Variants in RPAP2 observed in about 807,000 individuals in gnomAD.
RPAP2 encodes putative RNA polymerase II subunit B1 CTD phosphatase RPAP2.
In RPAP2, 52 loss-of-function variants were observed where a neutral mutation model predicts 73.1. The observed-to-expected ratio is 0.71, with a 90% CI of 0.57 to 0.90. The LOEUF is 0.90. Ranked by LOEUF, RPAP2 falls within the 40% of genes least tolerant of loss-of-function variation. RPAP2 has a pLI of 0.00. For missense variants in RPAP2, 598 were observed against 701.8 expected (o/e 0.85, Z 1.67); for synonymous variants, 225 against 242.1 (o/e 0.93, Z 0.65).
At chr1:92,317,498 T>C (rs1194938119) in intron 6 of RPAP2, among the ~76,000 whole-genome samples, 1 of 151,954 alleles carries the variant, frequency 6.6e-6, no homozygotes, top group Non-Finnish European at 1.5e-5. Flanking sequence ...ACAGTGAGAC[T>C]CTGTCTCAAA....
chr1:92,375,523 T>C (rs1655346030), intron 11 of RPAP2, among the ~76,000 whole-genome samples: 1 of 152,014 alleles, frequency 6.6e-6, no homozygotes, highest in African/African-American at 2.4e-5. Flanking sequence ...GGTGAAACCC[T>C]GTCTCTACTA....
chr1:92,372,072 A>T (rs770263294), intron 11 of RPAP2, among the ~76,000 whole-genome samples: 16 of 152,176 alleles, frequency 1.1e-4, no homozygotes, highest in Non-Finnish European at 1.8e-4. Context: ...GTCATTCCAC[A>T]ATGTACACAT....
At chr1:92,300,474 TAGA>T (rs1211677277) in intron 2 of RPAP2, among the ~76,000 whole-genome samples, 1 of 152,218 alleles carries the variant, frequency 6.6e-6, no homozygotes, top group African/African-American at 2.4e-5. Flanking sequence ...TGAGTGTCTG[TAGA>T]AGGTGTTTGT....
chr1:92,351,872 AGCCACTACTT>A (rs1397575002), intron 11 of RPAP2, among the ~76,000 whole-genome samples: 3 of 152,144 alleles, frequency 2.0e-5, no homozygotes, highest in African/African-American at 7.2e-5. Context: ...TTTGTAAATA[AGCCACTACTT>A]TGTATTCTGA....
intron 12 of RPAP2, among the ~76,000 whole-genome samples, chr1:92,381,183 G>A (rs981799943): frequency 1.3e-5 from 2 of 152,064 alleles, no homozygotes; most frequent in African/African-American, 4.8e-5. Flanking sequence ...CATCTGATAA[G>A]TTTCTTCCCA....
Position 92,395,635 on chromosome 1 carries a change from CAAAAA to C in RPAP2, c.*8643_*8647del, listed in dbSNP as rs3041650. ...TGGGTGACAGAGTGAGACCCTGTCT[CAAAAA>C]AAAAAAAAAAAAAAAAAATTAATTG... is the stretch of plus-strand genomic sequence containing the variant. On this transcript the variant is annotated 3_prime_UTR_variant, in exon 13 of 13. Transcript: ENST00000610020. The C allele has an allele frequency of 1.6e-4, 15 of 96,068 alleles. No homozygotes were observed. Among genetic ancestry groups the C allele is most frequent in the African/African-American group, 2.8e-4 (7 of 25,040 alleles). 6.0% of individuals were successfully genotyped at this position (96,068 alleles called of 1,614,324 possible). A position where few individuals can be genotyped will look rare whatever the true frequency, so the allele number is the denominator to read the frequency against.
At chr1:92,383,924 C>T (rs1343683751) in intron 12 of RPAP2, among the ~76,000 whole-genome samples, 1 of 151,282 alleles carries the variant, frequency 6.6e-6, no homozygotes, top group Admixed American at 6.6e-5. Flanking sequence ...TTATGTCTGT[C>T]ATTTAATATT....
chr1:92,362,036 G>A (rs1206574885), intron 11 of RPAP2, among the ~76,000 whole-genome samples: 1 of 152,096 alleles, frequency 6.6e-6, no homozygotes, highest in Non-Finnish European at 1.5e-5. Context: ...ATATTAATGG[G>A]TCCTAATGGA....
Position 92,390,800 on chromosome 1 carries a change from G to T in RPAP2, c.*3789G>T, listed in dbSNP as rs1215405036. The T allele has an allele frequency of 6.6e-6, 1 of 152,096 alleles. No homozygotes were observed. Among genetic ancestry groups the T allele is most frequent in the African/African-American group, 2.4e-5 (1 of 41,402 alleles). The allele number at this position is 152,096 out of a possible 1,614,324, so 9.4% of individuals were successfully genotyped here. On this transcript the variant is annotated 3_prime_UTR_variant, in exon 13 of 13. Transcript: ENST00000610020. ...ACAAAGATCAAAAGAGACAAAGAAG[G>T]TCATTACATAATGGTAAAGGGATCA...
intron 11 of RPAP2, among the ~76,000 whole-genome samples, chr1:92,370,359 T>TAGTC (rs1655097313): frequency 6.6e-6 from 1 of 151,878 alleles, no homozygotes; most frequent in Non-Finnish European, 1.5e-5. Context: ...CAATAGGGAG[T>TAGTC]AGTCAGATGG....
intron 11 of RPAP2, among the ~76,000 whole-genome samples, chr1:92,349,123 T>C (rs1557617319): frequency 6.6e-6 from 1 of 152,242 alleles, no homozygotes; most frequent in Non-Finnish European, 1.5e-5. Context: ...CAGAAAATTT[T>C]CACATCTACT....
chr1:92,385,232 G>C (rs368744843), intron 12 of RPAP2, among the ~76,000 whole-genome samples: 73 of 150,536 alleles, frequency 4.8e-4, no homozygotes, highest in African/African-American at 1.6e-3. Flanking sequence ...TACCTAGCCA[G>C]AAGTCCTTCT....
chr1:92,382,920 T>A (rs1035708128), intron 12 of RPAP2, among the ~76,000 whole-genome samples: 4 of 152,180 alleles, frequency 2.6e-5, no homozygotes, highest in African/African-American at 9.7e-5. Flanking sequence ...TGTAAGTCTT[T>A]AATCCATCTT....
At chr1:92,332,710 G>C (rs1653043406) in intron 8 of RPAP2, among the ~76,000 whole-genome samples, 1 of 152,076 alleles carries the variant, frequency 6.6e-6, no homozygotes, top group Non-Finnish European at 1.5e-5. Flanking sequence ...GTCTTTCCAA[G>C]TCCTGGTCTC....
chr1:92,300,310 C>T (rs766490753), intron 2 of RPAP2, 71 bp downstream of exon 2: 2 of 1,165,144 alleles, frequency 1.7e-6, no homozygotes, highest in Non-Finnish European at 2.5e-6. Flanking sequence ...AATTTTAAAA[C>T]AATAATGGTT....
rs1656191371 is a variant in RPAP2 at position 92,396,682 on chromosome 1, C to G, written c.*9671C>G. 1 of 152,020 alleles carries G rather than the reference C, an allele frequency of 6.6e-6. No homozygotes were observed. Among genetic ancestry groups the G allele is most frequent in the Non-Finnish European group, 1.5e-5 (1 of 68,480 alleles). 9.4% of individuals were successfully genotyped at this position (152,020 alleles called of 1,614,324 possible). A position where few individuals can be genotyped will look rare whatever the true frequency, so the allele number is the denominator to read the frequency against. On this transcript the variant is annotated 3_prime_UTR_variant, in exon 13 of 13. Coordinates refer to ENST00000610020, the MANE Select transcript of RPAP2 (RefSeq NM_024813.3). ...TGAGATGGAGTTTCACTCTTGTTGC[C>G]CAGGCTGGAGTGCAATGGCGCGATC...
At chr1:92,346,169 GT>G (rs11304679) in intron 11 of RPAP2, among the ~76,000 whole-genome samples, 14,570 of 140,232 alleles carry the variant, frequency 0.1, 1,896 homozygotes, top group African/African-American at 0.33. Context: ...TCTCTTTTTT[GT>G]TTTTTTTTTT....
At chr1:92,316,487 T>C (rs1482554114) in intron 6 of RPAP2, among the ~76,000 whole-genome samples, 3 of 152,248 alleles carry the variant, frequency 2.0e-5, no homozygotes. Context: ...ATATATCCAC[T>C]AAGTTCTTTG....
chr1:92,328,849 G>C (rs1652794704), intron 8 of RPAP2, among the ~76,000 whole-genome samples: 1 of 152,168 alleles, frequency 6.6e-6, no homozygotes, highest in African/African-American at 2.4e-5. Flanking sequence ...CCTTGATTTG[G>C]TGCTCTCCTC....
Sources: allele counts gnomAD v4.1 joint callset (sites outside exome capture counted in the v4.1 genomes callset), GRCh38; gene constraint gnomAD v4.1.1; transcripts MANE v1.5; gene names NCBI Gene and HGNC (gene_info 2026-07-23, HGNC 2026-07-21).